Variants in RBFOX1 observed in about 807,000 individuals in gnomAD.
The protein encoded by RBFOX1 is RNA binding fox-1 homolog 1, also known as RNA binding protein fox-1 homolog 1.
Under a neutral mutation model 57.7 loss-of-function variants are expected in RBFOX1, and 8 were observed. The observed-to-expected ratio is 0.14, with a 90% CI of 0.08 to 0.25. The LOEUF is 0.25. Among genes scored for constraint, RBFOX1 ranks in the 10% least tolerant of loss-of-function variants. The pLI, the probability that RBFOX1 is intolerant of heterozygous loss-of-function variation, is 1.00. For synonymous variants in RBFOX1, 326 were observed against 222.4 expected (o/e 1.47, Z -4.15); for missense variants, 611 against 548.5 (o/e 1.11, Z -1.14).
intron 3 of RBFOX1, among the ~76,000 whole-genome samples, chr16:6,762,647 G>T (rs9302830): frequency 1.3e-5 from 2 of 152,102 alleles, no homozygotes; most frequent in East Asian, 3.9e-4. Flanking sequence ...AGTCCTGGTA[G>T]AAGAACTCCA....
At chr16:6,910,964 G>T (rs1263168983) in intron 3 of RBFOX1, among the ~76,000 whole-genome samples, 1 of 152,128 alleles carries the variant, frequency 6.6e-6, no homozygotes, top group Non-Finnish European at 1.5e-5. Flanking sequence ...ACTTTGGGAG[G>T]CCGAGACAGG....
chr16:6,129,386 G>C (rs964562077), intron 1 of RBFOX1, among the ~76,000 whole-genome samples: 2 of 152,076 alleles, frequency 1.3e-5, no homozygotes, highest in Non-Finnish European at 2.9e-5. Context: ...AAATAAGCAA[G>C]GCACTTGAAC....
chr16:5,696,098 A>T (rs576780931), intron 3 of RBFOX1, among the ~76,000 whole-genome samples: 1 of 152,212 alleles, frequency 6.6e-6, no homozygotes, highest in South Asian at 2.1e-4. Context: ...AGAGAAGAAT[A>T]TAGTGAACCT....
At chr16:6,885,575 A>C (rs1265546542) in intron 3 of RBFOX1, among the ~76,000 whole-genome samples, 2 of 151,744 alleles carry the variant, frequency 1.3e-5, no homozygotes, top group African/African-American at 4.8e-5. Flanking sequence ...TCTGTCATCC[A>C]GGCTGGAGTG....
intron 3 of RBFOX1, among the ~76,000 whole-genome samples, chr16:6,931,337 C>CTATCTATCTATCTCTA (rs1419175284): frequency 3.6e-5 from 4 of 110,204 alleles, no homozygotes; most frequent in African/African-American, 9.6e-5. Context: ...ATCTATCTAT[C>CTATCTATCTATCTCTA]TCTACACACA....
chr16:6,541,516 G>GT (rs1337945861), intron 2 of RBFOX1, among the ~76,000 whole-genome samples: 10 of 152,208 alleles, frequency 6.6e-5, no homozygotes, highest in African/African-American at 2.2e-4. Context: ...TCAGGGTGAC[G>GT]TAGTAGTACC....
At chr16:6,258,786 A>T (rs1024786606) in intron 1 of RBFOX1, among the ~76,000 whole-genome samples, 1 of 152,194 alleles carries the variant, frequency 6.6e-6, no homozygotes. Context: ...AACACAAGGG[A>T]TGCATGCTTG....
At chr16:7,141,948 G>C (rs575260614) in intron 4 of RBFOX1, among the ~76,000 whole-genome samples, 1 of 151,994 alleles carries the variant, frequency 6.6e-6, no homozygotes, top group East Asian at 1.9e-4. Context: ...TGTTTCAGCG[G>C]GATCCTATTT....
chr16:6,997,302 A>G lies in RBFOX1; in HGVS notation c.-15-54755A>G, dbSNP rs574993575. On this transcript the variant is annotated intron_variant, in intron 3 of 15. Transcript: ENST00000550418. ...AAGTCTGCCACCAATACATGTTTATATTTGTTAAAATAACATACTTATCAG... is the reference window on the plus strand; with the variant it reads ...AAGTCTGCCACCAATACATGTTTATGTTTGTTAAAATAACATACTTATCAG... Among the ~76,000 whole-genome samples, 13 of 152,254 alleles carry G rather than the reference A, an allele frequency of 8.5e-5. No individual in the cohort carries two copies. In the South Asian group the frequency reaches 2.7e-3, roughly 32 times the overall value.
intron 4 of RBFOX1, among the ~76,000 whole-genome samples, chr16:6,001,712 A>G (rs1476041745): frequency 6.6e-6 from 1 of 152,226 alleles, no homozygotes; most frequent in Non-Finnish European, 1.5e-5. Flanking sequence ...TAATTTAAAT[A>G]AGGAAATAGT....
chr16:6,061,968 G>T (rs938387374), intron 1 of RBFOX1, among the ~76,000 whole-genome samples: 1 of 152,160 alleles, frequency 6.6e-6, no homozygotes, highest in African/African-American at 2.4e-5. Context: ...GCTTCTGAAG[G>T]ACTGGTTAGG....
At chr16:5,943,835 A>G (rs560176126) in intron 4 of RBFOX1, among the ~76,000 whole-genome samples, 17 of 151,662 alleles carry the variant, frequency 1.1e-4, no homozygotes, top group Middle Eastern at 6.9e-3. Flanking sequence ...CCATCGACCC[A>G]CCCATTTATC....
At chr16:6,513,532 G>A (rs570149053) in intron 2 of RBFOX1, among the ~76,000 whole-genome samples, 4 of 152,204 alleles carry the variant, frequency 2.6e-5, no homozygotes, top group East Asian at 3.9e-4. Flanking sequence ...TCAGGAGTTC[G>A]AGACCAGCCT....
intron 3 of RBFOX1, among the ~76,000 whole-genome samples, chr16:5,824,908 T>C (rs773601209): frequency 6.6e-5 from 10 of 152,198 alleles, no homozygotes; most frequent in Non-Finnish European, 1.2e-4. Context: ...GTGACATAAC[T>C]AGATGTTTCA....
intron 4 of RBFOX1, among the ~76,000 whole-genome samples, chr16:7,194,373 T>G (rs959902781): frequency 1.3e-5 from 2 of 152,198 alleles, no homozygotes; most frequent in African/African-American, 4.8e-5. Context: ...CATTTCAATT[T>G]AAACAAAGCA....
At chr16:5,748,668 GT>G (rs1480076372) in intron 3 of RBFOX1, among the ~76,000 whole-genome samples, 1 of 152,134 alleles carries the variant, frequency 6.6e-6, no homozygotes, top group Admixed American at 6.5e-5. Context: ...TTTAAAGTCT[GT>G]TTTATCCGAG....
At chr16:7,409,109 C>T (rs1367183139) in intron 4 of RBFOX1, among the ~76,000 whole-genome samples, 4 of 152,330 alleles carry the variant, frequency 2.6e-5, no homozygotes, top group South Asian at 2.1e-4. Flanking sequence ...GCTGCGCTGT[C>T]GCTCTAAGCC....
chr16:6,632,831 G>C (rs1368211121), intron 2 of RBFOX1, among the ~76,000 whole-genome samples: 3 of 152,186 alleles, frequency 2.0e-5, no homozygotes, highest in Non-Finnish European at 4.4e-5. Flanking sequence ...TATTACTGGA[G>C]CTGCTCTCTT....
intron 2 of RBFOX1, among the ~76,000 whole-genome samples, chr16:6,377,842 T>G (rs1596336787): frequency 1.3e-5 from 2 of 152,156 alleles, no homozygotes. Flanking sequence ...TTCCCCAACG[T>G]GGATTCCCAG....
Sources: allele counts gnomAD v4.1 joint callset (sites outside exome capture counted in the v4.1 genomes callset), GRCh38; gene constraint gnomAD v4.1.1; transcripts MANE v1.5; gene names NCBI Gene and HGNC (gene_info 2026-07-23, HGNC 2026-07-21).